Variants in KLHL7 observed in about 807,000 individuals in gnomAD.
The protein encoded by KLHL7 is kelch like family member 7.
A neutral mutation model predicts 67.4 loss-of-function variants in KLHL7; 44 were observed. The observed-to-expected ratio is 0.65, with a 90% CI of 0.51 to 0.84. The LOEUF is 0.84. KLHL7 is among the 40% of genes least tolerant of loss of function. KLHL7 has a pLI of 0.00. For missense variants in KLHL7, 362 were observed against 718.1 expected (o/e 0.50, Z 5.67); for synonymous variants, 252 against 243.3 (o/e 1.04, Z -0.33).
intron 1 of KLHL7, chr7:23,106,452 G>A (rs1421684504): frequency 8.1e-7 from 1 of 1,228,456 alleles, no homozygotes; most frequent in Non-Finnish European, 1.0e-6. Flanking sequence ...TTATCTCTTT[G>A]TGGGGCGAGG....
chr7:23,163,307 A>AT (rs1454371187), intron 7 of KLHL7, among the ~76,000 whole-genome samples: 2 of 151,934 alleles, frequency 1.3e-5, no homozygotes, highest in African/African-American at 4.8e-5. Context: ...AGTAGCAGGG[A>AT]TTACACGTGC....
At chr7:23,140,615 T>G in intron 4 of KLHL7, 154 bp from the exon 5 acceptor site, 1 of 742,644 alleles carries the variant, frequency 1.3e-6, no homozygotes, top group Non-Finnish European at 2.4e-6. Flanking sequence ...CAGTATAGTA[T>G]TGGCACAAGA....
At position 23,140,694 on chromosome 7, in the gene KLHL7, C is replaced by A; in HGVS notation, c.443-75C>A. 4 of 1,235,086 alleles carry A rather than the reference C, an allele frequency of 3.2e-6. No individual in the cohort carries two copies. The South Asian group carries it at 3.7e-5, about 11-fold the overall frequency. 76.5% of individuals were successfully genotyped at this position (1,235,086 alleles called of 1,614,324 possible). A position where few individuals can be genotyped will look rare whatever the true frequency, so the allele number is the denominator to read the frequency against. On this transcript the variant is annotated intron_variant, in intron 4 of 10. Transcript: ENST00000339077. ...TTTACTCAACTAATTTTCCTGAAGT[C>A]ATGCTTCATCTTGAATGTATACTTG...
intron 4 of KLHL7, among the ~76,000 whole-genome samples, chr7:23,137,649 T>C (rs554268207): frequency 7.9e-5 from 12 of 151,532 alleles, no homozygotes; most frequent in Admixed American, 7.9e-4. Context: ...CGGCTAATTT[T>C]TGTATTTTTG....
intron 6 of KLHL7, among the ~76,000 whole-genome samples, chr7:23,150,501 G>A (rs1784498015): frequency 6.6e-6 from 1 of 151,900 alleles, no homozygotes; most frequent in Non-Finnish European, 1.5e-5. Context: ...ATTATTTATT[G>A]GAGATCATTC....
At chr7:23,123,258 C>T (rs111373765) in intron 1 of KLHL7, among the ~76,000 whole-genome samples, 1 of 152,176 alleles carries the variant, frequency 6.6e-6, no homozygotes, top group East Asian at 1.9e-4. Context: ...CATCTCCTCT[C>T]TGTATTCTGA....
intron 4 of KLHL7, chr7:23,126,057 C>T: frequency 3.0e-6 from 2 of 656,810 alleles, no homozygotes; most frequent in South Asian, 1.6e-5. Flanking sequence ...AATATGCTAG[C>T]ATCACTACTC....
chr7:23,125,481 C>T (rs1042103716), intron 4 of KLHL7, among the ~76,000 whole-genome samples: 1 of 152,002 alleles, frequency 6.6e-6, no homozygotes, highest in Non-Finnish European at 1.5e-5. Flanking sequence ...ATGAATGTTT[C>T]CTTTTATTTA....
At chr7:23,111,820 C>CAAAAAA (rs895981894) in intron 1 of KLHL7, among the ~76,000 whole-genome samples, 355 of 23,234 alleles carry the variant, frequency 0.015, 44 homozygotes, top group African/African-American at 0.04. Flanking sequence ...GACTCCGTCT[C>CAAAAAA]AAAAAAAAAA....
At chr7:23,109,447 A>G (rs566778377) in intron 1 of KLHL7, among the ~76,000 whole-genome samples, 4 of 152,340 alleles carry the variant, frequency 2.6e-5, no homozygotes, top group African/African-American at 2.4e-5. Flanking sequence ...CATTGGAGGA[A>G]GATGTTTTAA....
rs1785315758 is a variant in KLHL7 at position 23,177,541 on chromosome 7, A to G, written c.*3243A>G. 1 of 152,160 alleles carries G rather than the reference A, an allele frequency of 6.6e-6. No individual in the cohort carries two copies. The highest frequency in any genetic ancestry group is 2.1e-4 in the South Asian group (1 of 4,824). The allele number at this position is 152,160 out of a possible 1,614,324, so 9.4% of individuals were successfully genotyped here. On this transcript the variant is annotated 3_prime_UTR_variant, in exon 11 of 11. Coordinates refer to ENST00000339077, the MANE Select transcript of KLHL7 (RefSeq NM_001031710.3). ...ATTGTCAATATCAGGATAGTGCGTA[A>G]AAGTACACTCACCATACTGACAAGC...
intron 9 of KLHL7, among the ~76,000 whole-genome samples, chr7:23,170,603 C>T (rs1785129328): frequency 6.6e-6 from 1 of 152,190 alleles, no homozygotes; most frequent in South Asian, 2.1e-4. Context: ...AGATATTCCT[C>T]AGCAGCAACA....
At chr7:23,140,461 G>A (rs1247373070) in intron 4 of KLHL7, among the ~76,000 whole-genome samples, 1 of 152,216 alleles carries the variant, frequency 6.6e-6, no homozygotes, top group African/African-American at 2.4e-5. Flanking sequence ...GGAGGCTGAG[G>A]CAGGAGAATA....
At chr7:23,107,303 A>G (rs1423573429) in intron 1 of KLHL7, among the ~76,000 whole-genome samples, 1 of 152,196 alleles carries the variant, frequency 6.6e-6, no homozygotes, top group South Asian at 2.1e-4. Context: ...TTTCAAATTC[A>G]TGTTCCTTTC....
intron 7 of KLHL7, among the ~76,000 whole-genome samples, chr7:23,152,953 CA>C (rs1273046258): frequency 6.6e-6 from 1 of 152,130 alleles, no homozygotes; most frequent in Non-Finnish European, 1.5e-5. Flanking sequence ...AGGTGATATC[CA>C]TAAGTGGTGC....
chr7:23,166,604 A>T (rs1168225270), intron 8 of KLHL7, among the ~76,000 whole-genome samples: 1 of 152,178 alleles, frequency 6.6e-6, no homozygotes, highest in South Asian at 2.1e-4. Flanking sequence ...AACTAGGGAG[A>T]CCGTAAATGG....
chr7:23,120,607 C>T lies in KLHL7; in HGVS notation c.121-3170C>T, dbSNP rs184907790. ...TATTAGAGACAGGCTTGCTCTGTCA[C>T]CCAGACTGGAGTGCAGTGGCATGAT... On this transcript the variant is annotated intron_variant, in intron 1 of 10. Coordinates refer to ENST00000339077, the MANE Select transcript of KLHL7 (RefSeq NM_001031710.3). Among the ~76,000 whole-genome samples, 571 of 152,246 alleles carry T rather than the reference C, an allele frequency of 3.8e-3. 4 individuals carry two copies. The highest frequency in any genetic ancestry group is 6.1e-3 in the Non-Finnish European group (413 of 68,018).
chr7:23,120,438 G>A (rs914625691), intron 1 of KLHL7, among the ~76,000 whole-genome samples: 2 of 152,008 alleles, frequency 1.3e-5, no homozygotes, highest in Non-Finnish European at 2.9e-5. Context: ...GTACTTATAC[G>A]GAATGTAGTG....
intron 7 of KLHL7, among the ~76,000 whole-genome samples, chr7:23,164,633 C>G (rs1461514654): frequency 6.6e-6 from 1 of 152,206 alleles, no homozygotes. Context: ...TATTAAGGCT[C>G]TATTTTCCTG....
Sources: allele counts gnomAD v4.1 joint callset (sites outside exome capture counted in the v4.1 genomes callset), GRCh38; gene constraint gnomAD v4.1.1; transcripts MANE v1.5; gene names NCBI Gene and HGNC (gene_info 2026-07-23, HGNC 2026-07-21).